PSME4: variants seen among roughly 807,000 people sequenced by gnomAD.
PSME4 encodes proteasome activator subunit 4, also known as proteasome activator complex subunit 4.
In PSME4, 89 loss-of-function variants were observed where a neutral mutation model predicts 253.9. The ratio of observed to expected loss-of-function variants is 0.35; its 90% CI spans 0.30 to 0.42. The LOEUF is 0.42. Among genes scored for constraint, PSME4 ranks in the 10% least tolerant of loss-of-function variants. PSME4 has a pLI of 1.00. For synonymous variants in PSME4, 851 were observed against 759.2 expected, an observed-to-expected ratio of 1.12 and a Z score of -1.99; for missense variants, 2,014 against 2,195.2, an observed-to-expected ratio of 0.92 and a Z score of 1.65.
At chr2:53,875,534 A>G in intron 42 of PSME4, 93 bp downstream of exon 42, 2 of 1,236,762 alleles carry the variant, frequency 1.6e-6, no homozygotes, top group South Asian at 1.7e-5. Context: ...CAAAACAAAA[A>G]CTAGGCGCTG....
rs1425924112 is a variant in PSME4, at chr2:53,970,969, C to A, written c.-185G>T. ...GCTGGGCCCCACGCGGCTCTCAGTTCGTTGGCGGCGGCAGCGGCCGCTCTG... is the reference window on the plus strand; with the variant it reads ...GCTGGGCCCCACGCGGCTCTCAGTTAGTTGGCGGCGGCAGCGGCCGCTCTG... On this transcript the variant is annotated 5_prime_UTR_variant, in exon 1 of 47. Transcript: ENST00000404125. 27 of 486,356 alleles carry A rather than the reference C, an allele frequency of 5.6e-5. No homozygotes were observed. Among genetic ancestry groups the A allele is most frequent in the Non-Finnish European group, 8.7e-5 (25 of 288,688 alleles). The allele number at this position is 486,356 out of a possible 1,614,324, so 30.1% of individuals were successfully genotyped here.
At chr2:53,883,442 G>C (rs79587161) in intron 41 of PSME4, among the ~76,000 whole-genome samples, 7,731 of 152,204 alleles carry the variant, frequency 0.051, 382 homozygotes, top group East Asian at 0.22. Context: ...TGACGCTGCA[G>C]TGAGCCATGA....
chr2:53,936,318 T>A (rs527953209), intron 6 of PSME4, among the ~76,000 whole-genome samples, 157 bp from the exon 7 acceptor site: 6 of 152,296 alleles, frequency 3.9e-5, no homozygotes, highest in Admixed American at 2.6e-4. Flanking sequence ...CCTCCAAATT[T>A]AAATTGATTC....
rs978429364 is a variant in PSME4, at chr2:53,947,367, G to C, written c.500+1054C>G. Among the ~76,000 whole-genome samples, 3 of 152,268 alleles carry C rather than the reference G, an allele frequency of 2.0e-5. No homozygotes were observed. In the South Asian group the frequency reaches 6.2e-4, roughly 32 times the overall value. ...CTTTAAAGACTTAATTTATAAAAAA[G>C]AAAAAGGAAATTAATACAGGCATAG... On this transcript the variant is annotated intron_variant, in intron 3 of 46. Transcript: ENST00000404125.
At chr2:53,895,101 T>C (rs1255122625) in intron 33 of PSME4, 25 bp from the exon 34 acceptor site, 2 of 1,576,434 alleles carry the variant, frequency 1.3e-6, no homozygotes, top group Non-Finnish European at 1.7e-6. Flanking sequence ...TTCATATTTA[T>C]CATACGCATA....
rs905159878 is a variant in PSME4, at chr2:53,896,139, C to A, written c.3689-403G>T. Among the ~76,000 whole-genome samples the A allele has an allele frequency of 3.3e-5, 5 of 152,120 alleles. No homozygotes were observed. The East Asian group carries it at 9.6e-4, about 29-fold the overall frequency. Reference sequence around the variant, plus strand: ...TACTTTGATATTCTCTCTCTCTCCACACATACTTATCTAAACTATGAGTAT... The same window carrying A: ...TACTTTGATATTCTCTCTCTCTCCAAACATACTTATCTAAACTATGAGTAT... On this transcript the variant is annotated intron_variant, in intron 32 of 46. Coordinates refer to ENST00000404125, the MANE Select transcript of PSME4 (RefSeq NM_014614.3).
intron 42 of PSME4, among the ~76,000 whole-genome samples, chr2:53,875,013 T>C (rs1181584415): frequency 3.3e-5 from 5 of 152,162 alleles, no homozygotes; most frequent in Non-Finnish European, 7.4e-5. Context: ...GATTAATGGC[T>C]CCTAACTCCT....
At chr2:53,890,618 T>C (rs2104425919) in intron 36 of PSME4, among the ~76,000 whole-genome samples, 1 of 152,334 alleles carries the variant, frequency 6.6e-6, no homozygotes, top group Middle Eastern at 3.4e-3. Context: ...TAATTATTTT[T>C]TAGAGCACCC....
intron 27 of PSME4, among the ~76,000 whole-genome samples, chr2:53,901,787 G>T (rs1301242127): frequency 6.6e-6 from 1 of 152,180 alleles, no homozygotes; most frequent in African/African-American, 2.4e-5. Context: ...TAAAGAGTTT[G>T]GGACAGGTGA....
intron 1 of PSME4, among the ~76,000 whole-genome samples, chr2:53,958,504 G>T (rs1363438249): frequency 2.0e-5 from 3 of 152,204 alleles, no homozygotes; most frequent in African/African-American, 7.2e-5. Context: ...TTATAACCAA[G>T]AGAAACCAAA....
intron 1 of PSME4, among the ~76,000 whole-genome samples, chr2:53,964,431 T>C (rs1012817125): frequency 1.3e-5 from 2 of 152,222 alleles, no homozygotes; most frequent in African/African-American, 4.8e-5. Flanking sequence ...GTTCCTTTTT[T>C]TTCCCCTTAT....
intron 43 of PSME4, chr2:53,870,106 CAAAA>C (rs1159073998): frequency 1.3e-5 from 2 of 152,142 alleles, no homozygotes; most frequent in East Asian, 1.9e-4. Context: ...TTTGGGAAAA[CAAAA>C]AAGCGGTAAA....
intron 20 of PSME4, among the ~76,000 whole-genome samples, chr2:53,918,947 A>C (rs1288922189): frequency 6.6e-6 from 1 of 152,210 alleles, no homozygotes; most frequent in Non-Finnish European, 1.5e-5. Context: ...AAGTTATTCT[A>C]TCCTGGTACC....
At chr2:53,903,054 G>A (rs935194083) in intron 27 of PSME4, among the ~76,000 whole-genome samples, 1 of 152,076 alleles carries the variant, frequency 6.6e-6, no homozygotes, top group South Asian at 2.1e-4. Flanking sequence ...GGGTCACTCA[G>A]CTCTTCTATT....
intron 43 of PSME4, among the ~76,000 whole-genome samples, chr2:53,871,411 G>T (rs1217275277): frequency 6.6e-6 from 1 of 151,922 alleles, no homozygotes; most frequent in Non-Finnish European, 1.5e-5. Context: ...CCGCTGCCAC[G>T]CCTGGCTAAT....
intron 5 of PSME4, 71 bp from the exon 6 acceptor site, chr2:53,936,898 T>C (rs978770002): frequency 1.9e-6 from 2 of 1,027,808 alleles, no homozygotes; most frequent in Non-Finnish European, 2.9e-6. Flanking sequence ...ATGCTTTGTC[T>C]TTTTTATAAT....
intron 1 of PSME4, among the ~76,000 whole-genome samples, chr2:53,970,076 A>C (rs956642162): frequency 2.0e-5 from 3 of 152,232 alleles, no homozygotes; most frequent in African/African-American, 7.2e-5. Context: ...ACTAGACGCC[A>C]ACGGAGATGC....
At chr2:53,911,977 AT>A (rs1443969976) in intron 20 of PSME4, among the ~76,000 whole-genome samples, 3 of 152,226 alleles carry the variant, frequency 2.0e-5, no homozygotes, top group African/African-American at 7.2e-5. Context: ...TTGAAAAATA[AT>A]CATTTATGCT....
intron 3 of PSME4, among the ~76,000 whole-genome samples, chr2:53,943,095 T>C (rs576623293): frequency 6.6e-5 from 10 of 152,196 alleles, no homozygotes; most frequent in African/African-American, 2.4e-4. Context: ...CAGGACAATA[T>C]TCACTTCTAA....
Sources: allele counts gnomAD v4.1 joint callset (sites outside exome capture counted in the v4.1 genomes callset), GRCh38; gene constraint gnomAD v4.1.1; transcripts MANE v1.5; gene names NCBI Gene and HGNC (gene_info 2026-07-23, HGNC 2026-07-21).